PTPRD: variants seen among roughly 807,000 people sequenced by gnomAD.
PTPRD encodes the protein protein tyrosine phosphatase receptor type D, also known as receptor-type tyrosine-protein phosphatase delta.
Under a neutral mutation model 214.5 loss-of-function variants are expected in PTPRD, and 34 were observed. That is an observed-to-expected ratio of 0.16 (90% CI 0.12 to 0.21). The LOEUF is 0.21. Among genes scored for constraint, PTPRD ranks in the 10% least tolerant of loss-of-function variants. PTPRD has a pLI of 1.00. For missense variants in PTPRD, 2,545 were observed against 2,398.7 expected, an observed-to-expected ratio of 1.06 and a Z score of -1.27; for synonymous variants, 1,128 against 845.7, an observed-to-expected ratio of 1.33 and a Z score of -5.79.
chr9:9,827,170 T>C (rs920685413), intron 5 of PTPRD, among the ~76,000 whole-genome samples: 1 of 152,024 alleles, frequency 6.6e-6, no homozygotes, highest in African/African-American at 2.4e-5. Context: ...AAAGTTCATA[T>C]GGAACCAAAA....
chr9:8,934,432 TATAAATATATATATAA>T (rs2098976581), intron 11 of PTPRD, among the ~76,000 whole-genome samples: 1 of 51,730 alleles, frequency 1.9e-5, no homozygotes, highest in Non-Finnish European at 4.2e-5. Context: ...TATATATATA[TATAAATATATATATAA>T]ATTTATATAT....
At chr9:9,549,544 T>C (rs1171768961) in intron 8 of PTPRD, among the ~76,000 whole-genome samples, 1 of 152,138 alleles carries the variant, frequency 6.6e-6, no homozygotes, top group African/African-American at 2.4e-5. Context: ...GAAGATGTAT[T>C]AAACTTAAAC....
At chr9:9,399,685 G>T (rs1281188273) in intron 8 of PTPRD, among the ~76,000 whole-genome samples, 1 of 151,962 alleles carries the variant, frequency 6.6e-6, no homozygotes, top group African/African-American at 2.4e-5. Flanking sequence ...ATAGTGAAGA[G>T]GTCTCATGAG....
intron 7 of PTPRD, among the ~76,000 whole-genome samples, chr9:9,660,391 A>C (rs924156030): frequency 2.6e-5 from 4 of 151,986 alleles, no homozygotes; most frequent in African/African-American, 9.7e-5. Context: ...TTTTAGCTAC[A>C]GCCAAGTATG....
At chr9:9,458,477 G>A (rs941698514) in intron 8 of PTPRD, among the ~76,000 whole-genome samples, 1 of 152,016 alleles carries the variant, frequency 6.6e-6, no homozygotes, top group Non-Finnish European at 1.5e-5. Context: ...TAATGAGTGT[G>A]CATGTCTTTA....
Position 9,182,911 on chromosome 9 carries a change from C to T in PTPRD, c.-143+393G>A, listed in dbSNP as rs143150283. 1.8e-3 allele frequency among the ~76,000 whole-genome samples: 268 copies of T among 151,872 alleles called. 3 individuals are homozygous for T. The highest frequency in any genetic ancestry group is 5.3e-3 in the Admixed American group (81 of 15,194). The stretch of plus-strand genomic sequence containing the variant: ...AAAGAGCCAAAATAAAGTATGTAGG[C>T]GAGACCACCACCGAGGGCTAATAAT... On this transcript the variant is annotated intron_variant, in intron 10 of 45. Transcript: ENST00000381196.
At chr9:10,544,969 T>A (rs1186771976) in intron 2 of PTPRD, among the ~76,000 whole-genome samples, 1 of 152,234 alleles carries the variant, frequency 6.6e-6, no homozygotes, top group Non-Finnish European at 1.5e-5. Context: ...TTTTTCTGGT[T>A]CAGGAAATGG....
chr9:9,909,650 C>A (rs2078614438), intron 5 of PTPRD, among the ~76,000 whole-genome samples: 1 of 151,706 alleles, frequency 6.6e-6, no homozygotes, highest in Non-Finnish European at 1.5e-5. Context: ...TTTTTAATTT[C>A]TCAATTTAAT....
At chr9:10,426,229 A>G (rs931612027) in intron 2 of PTPRD, among the ~76,000 whole-genome samples, 17 of 152,008 alleles carry the variant, frequency 1.1e-4, no homozygotes, top group African/African-American at 4.1e-4. Flanking sequence ...GCAAAATTCA[A>G]CTTTGTTAAT....
intron 39 of PTPRD, among the ~76,000 whole-genome samples, chr9:8,357,550 G>A (rs547125862): frequency 6.6e-6 from 1 of 152,140 alleles, no homozygotes; most frequent in African/African-American, 2.4e-5. Flanking sequence ...TCCTTTTATT[G>A]GCTCTGTCTG....
chr9:9,995,570 G>A (rs976241989), intron 4 of PTPRD, among the ~76,000 whole-genome samples: 1 of 152,148 alleles, frequency 6.6e-6, no homozygotes, highest in Non-Finnish European at 1.5e-5. Context: ...TAGCTTGGCA[G>A]TGGCCACTTT....
At chr9:9,330,656 G>C (rs2041965523) in intron 9 of PTPRD, among the ~76,000 whole-genome samples, 1 of 151,662 alleles carries the variant, frequency 6.6e-6, no homozygotes, top group South Asian at 2.1e-4. Context: ...ATTAAATTTT[G>C]ACAAAGAGTT....
chr9:8,641,226 A>G lies in PTPRD; in HGVS notation c.65-4382T>C, dbSNP rs193014328. Among the ~76,000 whole-genome samples, 2 of 148,710 alleles carry G rather than the reference A, an allele frequency of 1.3e-5. 1 individual carries two copies. Among genetic ancestry groups the G allele is most frequent in the Non-Finnish European group, 2.9e-5 (2 of 68,006 alleles). ...AGGGTATCTACTAAAAAGTCACAAC[A>G]TAGGACAGACTAAGATTTGAATCGT... On this transcript the variant is annotated intron_variant, in intron 12 of 45. Coordinates refer to ENST00000381196, the MANE Select transcript of PTPRD (RefSeq NM_002839.4).
At chr9:9,866,574 T>C (rs2064007532) in intron 5 of PTPRD, among the ~76,000 whole-genome samples, 1 of 152,092 alleles carries the variant, frequency 6.6e-6, no homozygotes, top group Non-Finnish European at 1.5e-5. Context: ...CTCAAAAATT[T>C]AAAGAGGGGA....
At chr9:10,363,996 T>TGTTTTTG (rs1555222208) in intron 2 of PTPRD, among the ~76,000 whole-genome samples, 4 of 98,632 alleles carry the variant, frequency 4.1e-5, no homozygotes, top group Non-Finnish European at 2.0e-5. Context: ...TTCGGGTTTT[T>TGTTTTTG]TTTTTTTTTT....
At chr9:9,443,921 T>A (rs1487113861) in intron 8 of PTPRD, among the ~76,000 whole-genome samples, 2 of 152,228 alleles carry the variant, frequency 1.3e-5, no homozygotes, top group African/African-American at 4.8e-5. Context: ...CTTATATTCA[T>A]TCATGTTTTT....
intron 2 of PTPRD, among the ~76,000 whole-genome samples, chr9:10,359,483 C>G (rs1426665061): frequency 1.3e-5 from 2 of 152,000 alleles, no homozygotes; most frequent in Admixed American, 6.6e-5. Context: ...CATTTTGTCA[C>G]TTTTAAATCT....
intron 2 of PTPRD, among the ~76,000 whole-genome samples, chr9:10,520,634 T>G (rs2134171235): frequency 6.6e-6 from 1 of 152,268 alleles, no homozygotes; most frequent in African/African-American, 2.4e-5. Context: ...AGAAGGGAAG[T>G]CGATGCTTGG....
intron 4 of PTPRD, among the ~76,000 whole-genome samples, chr9:9,977,645 G>A (rs1407847104): frequency 6.6e-6 from 1 of 152,056 alleles, no homozygotes; most frequent in Admixed American, 6.6e-5. Context: ...CCATGAGTAC[G>A]ACTGACGAGG....
Sources: allele counts gnomAD v4.1 joint callset (sites outside exome capture counted in the v4.1 genomes callset), GRCh38; gene constraint gnomAD v4.1.1; transcripts MANE v1.5; gene names NCBI Gene and HGNC (gene_info 2026-07-23, HGNC 2026-07-21).